Variants in ARSG observed in about 807,000 individuals in gnomAD.
The protein encoded by ARSG is ASG.
ARSG carries 37 observed loss-of-function variants against 50.5 expected under a neutral mutation model. The observed-to-expected ratio is 0.73, with a 90% CI of 0.56 to 0.96. ARSG has a LOEUF of 0.96. ARSG is among the 50% of genes least tolerant of loss of function. The pLI is 0.00. For synonymous variants in ARSG, 225 were observed against 254.6 expected, an observed-to-expected ratio of 0.88 and a Z score of 1.11; for missense variants, 629 against 675.3, an observed-to-expected ratio of 0.93 and a Z score of 0.76.
chr17:68,435,507 G>T, the ARSG span: 18 of 1,006,942 alleles, frequency 1.8e-5, no homozygotes. Context: ...ATTCTGAGTG[G>T]GCCCAGAGAC....
At chr17:68,260,819 T>C (rs2075060957) in intron 1 of ARSG, among the ~76,000 whole-genome samples, 2 of 152,152 alleles carry the variant, frequency 1.3e-5, no homozygotes, top group East Asian at 1.9e-4. Flanking sequence ...AGTAAAGCTC[T>C]TCCGACTAGT....
At chr17:68,267,037 A>T (rs1375005048) in intron 1 of ARSG, 1 of 152,172 alleles carries the variant, frequency 6.6e-6, no homozygotes, top group Non-Finnish European at 1.5e-5. Context: ...CTCTTTAAAT[A>T]AAAAATCCAT....
chr17:68,259,815 A>G (rs1254435038), intron 1 of ARSG, among the ~76,000 whole-genome samples: 3 of 152,150 alleles, frequency 2.0e-5, no homozygotes, highest in African/African-American at 7.2e-5. Flanking sequence ...ATTGTATTGG[A>G]CAGTGCAGCT....
intron 2 of ARSG, among the ~76,000 whole-genome samples, chr17:68,342,421 T>C (rs1006353828): frequency 1.3e-5 from 2 of 150,438 alleles, no homozygotes; most frequent in African/African-American, 4.9e-5. Flanking sequence ...TGGTGTGATC[T>C]CGGCTCACTG....
intron 10 of ARSG, among the ~76,000 whole-genome samples, chr17:68,395,866 T>C (rs1047864470): frequency 6.6e-5 from 10 of 152,050 alleles, no homozygotes; most frequent in African/African-American, 2.4e-4. Flanking sequence ...AGCATTTCAG[T>C]CCATGCAAAC....
Position 68,351,630 on chromosome 17 carries a change from T to C in ARSG, c.510T>C (p.Thr170=). The stretch of plus-strand genomic sequence containing the variant: ...GCCATGATATGGGCTGTACTGATAC[T>C]CCAGGCTACAACCACCCTCCTTGTC... ...PYSHDMGCTD[T]PGYNHPPCPA... The change falls in exon 5 of 12, where the codon ACT becomes ACC. Residue 170 remains threonine (T), a synonymous_variant. Transcript: ENST00000621439. 1 of 1,614,026 alleles carries C rather than the reference T, an allele frequency of 6.2e-7. No homozygotes were observed. Among genetic ancestry groups the C allele is most frequent in the South Asian group, 1.1e-5 (1 of 91,074 alleles).
Position 68,381,257 on chromosome 17 carries a change from G to A in ARSG, c.983-3807G>A, listed in dbSNP as rs896137059. 2.0e-5 allele frequency among the ~76,000 whole-genome samples: 3 copies of A among 152,138 alleles called. No individual in the cohort carries two copies. Among genetic ancestry groups the A allele is most frequent in the Non-Finnish European group, 2.9e-5 (2 of 68,020 alleles). On this transcript the variant is annotated intron_variant, in intron 8 of 11. Transcript: ENST00000621439. The surrounding 1 kb of genome is among the most constrained non-coding windows in gnomAD (Gnocchi z 4.1). ...CATCATAAAATGCCACTTCACTTCCGTAACCAGAGAAGCACAAATAAGCAA... is the reference window on the plus strand; with the variant it reads ...CATCATAAAATGCCACTTCACTTCCATAACCAGAGAAGCACAAATAAGCAA...
At chr17:68,264,114 T>C (rs2075115968) in intron 1 of ARSG, among the ~76,000 whole-genome samples, 1 of 152,152 alleles carries the variant, frequency 6.6e-6, no homozygotes, top group South Asian at 2.1e-4. Flanking sequence ...CGCCTCGGCT[T>C]CTCAAAGTGC....
At chr17:68,317,218 A>T (rs2077100921) in intron 2 of ARSG, among the ~76,000 whole-genome samples, 2 of 152,168 alleles carry the variant, frequency 1.3e-5, no homozygotes, top group Admixed American at 1.3e-4. Context: ...TCAGACTTCT[A>T]AACTCTATTT....
chr17:68,368,926 A>C (rs1368943158), intron 7 of ARSG, among the ~76,000 whole-genome samples, 182 bp downstream of exon 7: 4 of 152,224 alleles, frequency 2.6e-5, no homozygotes, highest in Admixed American at 2.6e-4. Context: ...GGGGCCTCCA[A>C]GGCCAAGTCC....
chr17:68,427,061 G>A (rs2083243934), downstream of ARSG: 2 of 1,253,910 alleles, frequency 1.6e-6, no homozygotes, highest in Non-Finnish European at 1.2e-6. Context: ...GGGGGAAGGG[G>A]AGGGAGCGTG....
At position 68,309,752 on chromosome 17, in the gene ARSG, G is replaced by A. The variant is rs555380280; in HGVS notation, c.218+2041G>A. ...CAGGCACCTGTGACCCCAGCTACTC[G>A]GGAGGCTGAGGCAGGAGAATCACTT... On this transcript the variant is annotated intron_variant, in intron 2 of 11. Coordinates refer to ENST00000621439, the MANE Select transcript of ARSG (RefSeq NM_001267727.2). Among the ~76,000 whole-genome samples, 274 of 151,894 alleles carry A rather than the reference G, an allele frequency of 1.8e-3. 1 individual carries two copies. Among genetic ancestry groups the A allele is most frequent in the Middle Eastern group, 6.8e-3 (2 of 294 alleles).
At chr17:68,345,756 T>C (rs1568495757) in intron 3 of ARSG, among the ~76,000 whole-genome samples, 1 of 152,382 alleles carries the variant, frequency 6.6e-6, no homozygotes, top group East Asian at 1.9e-4. Flanking sequence ...CCATGTCATA[T>C]AATTTTACAT....
chr17:68,436,323 T>G, the ARSG span: 1 of 1,525,490 alleles, frequency 6.6e-7, no homozygotes, highest in Non-Finnish European at 9.1e-7. Flanking sequence ...ATCTATCTCC[T>G]TCCATGACCA....
chr17:68,336,454 C>T (rs1181812923), intron 2 of ARSG, among the ~76,000 whole-genome samples: 1 of 152,056 alleles, frequency 6.6e-6, no homozygotes, highest in Non-Finnish European at 1.5e-5. Flanking sequence ...AAGTGATCCA[C>T]CCACCTTGGC....
chr17:68,353,608 C>G (rs949189238), intron 5 of ARSG, among the ~76,000 whole-genome samples: 5 of 152,208 alleles, frequency 3.3e-5, no homozygotes, highest in Non-Finnish European at 5.9e-5. Context: ...CCTTCTTACC[C>G]ACCGTGGCCT....
At chr17:68,274,410 G>A (rs1188761359) in intron 1 of ARSG, 1 of 195,728 alleles carries the variant, frequency 5.1e-6, no homozygotes, top group African/African-American at 2.3e-5. Context: ...ACGATGCAGT[G>A]AGCCAAGATT....
intron 8 of ARSG, among the ~76,000 whole-genome samples, chr17:68,371,136 C>T (rs1334147340): frequency 5.3e-5 from 8 of 151,846 alleles, no homozygotes. Context: ...CTGGCTAACA[C>T]GGTGAAACCC....
In ARSG at chr17:68,399,850, T is replaced by C. The variant is rs1379196147; in HGVS notation, c.1213-1510T>C. 6.6e-6 allele frequency among the ~76,000 whole-genome samples: 1 copy of C among 152,246 alleles called. No individual in the cohort carries two copies. The highest frequency in any genetic ancestry group is 2.4e-5 in the African/African-American group (1 of 41,460). The stretch of plus-strand genomic sequence containing the variant: ...CAATAGATTTTCCAAGTCTCCCACT[T>C]CCTGCTGTCTCAAGAAGGAAACAAA... On this transcript the variant is annotated intron_variant, in intron 10 of 11. Transcript: ENST00000621439. This position sits in a 1 kb window ranked among gnomAD's most constrained non-coding sequence, Gnocchi z 4.6.
Sources: gnomAD v4.1 joint callset for allele counts (sites outside exome capture counted in the v4.1 genomes callset) on GRCh38, gnomAD v4.1.1 for gene constraint, Gnocchi (gnomAD v3.1) non-coding constraint, MANE v1.5 for transcripts, NCBI Gene and HGNC (gene_info 2026-07-23, HGNC 2026-07-21) for gene names.